ADGB: variants seen among roughly 807,000 people sequenced by gnomAD.
ADGB encodes the protein calpain-7-like protein.
A neutral mutation model predicts 210.5 loss-of-function variants in ADGB; 172 were observed. That is an observed-to-expected ratio of 0.82 (90% CI 0.72 to 0.93). The LOEUF (loss-of-function observed/expected upper bound fraction) is 0.93. Among genes scored for constraint, ADGB ranks in the 40% least tolerant of loss-of-function variants. The pLI, the probability that ADGB is intolerant of heterozygous loss-of-function variation, is 0.00. For synonymous variants in ADGB, 658 were observed against 662.7 expected, an observed-to-expected ratio of 0.99 and a Z score of 0.11; for missense variants, 2,025 against 1,964.8, an observed-to-expected ratio of 1.03 and a Z score of -0.58.
In ADGB at chr6:146,691,459, A is replaced by AATATATATATATAAATATATATAT. The variant is rs1776319367; in HGVS notation, c.1486+170_1486+171insTATATATATATAAATATATATATA. Among the ~76,000 whole-genome samples, 3 of 44,744 alleles carry AATATATATATATAAATATATATAT rather than the reference A, an allele frequency of 6.7e-5. No individual in the cohort carries two copies. In the African/African-American group the frequency reaches 7.2e-4, roughly 11 times the overall value. 29.4% of individuals were successfully genotyped at this position (44,744 alleles called of 152,430 possible). A position where few individuals can be genotyped will look rare whatever the true frequency, so the allele number is the denominator to read the frequency against. On this transcript the variant is annotated intron_variant, in intron 11 of 35. Transcript: ENST00000397944. ...ATATATATAAAAATATATATATATAAAAATATATATATATATAAATATATA... is the reference window on the plus strand; with the variant it reads ...ATATATATAAAAATATATATATATAAATATATATATATAAATATATATATAAATATATATATATATAAATATATA...
chr6:146,721,089 C>A (rs999830901), intron 16 of ADGB, among the ~76,000 whole-genome samples: 3 of 152,176 alleles, frequency 2.0e-5, no homozygotes, highest in African/African-American at 7.2e-5. Flanking sequence ...CTGCCCTGGG[C>A]TCGGCCTCTT....
rs1303512931 is a variant in ADGB at position 146,685,744 on chromosome 6, A to G, written c.1227A>G (p.Ala409=). The part of the protein sequence containing the change: ...SVQSLSDCSS[A]IQTSHMVVYA... ...ATGTTTGTTTTACAGGTTCTTCTGCAATACAGACCTCTCATATGGTCGTAT... is the reference window on the plus strand; with the variant it reads ...ATGTTTGTTTTACAGGTTCTTCTGCGATACAGACCTCTCATATGGTCGTAT... Residue 409 remains alanine, a synonymous_variant, in exon 10 of 36, where the codon GCA becomes GCG. Transcript: ENST00000397944. 4.6e-6 allele frequency: 7 copies of G among 1,520,520 alleles called. No individual in the cohort carries two copies. The East Asian group carries it at 1.3e-4, about 28-fold the overall frequency. The allele number at this position is 1,520,520 out of a possible 1,614,324, so 94.2% of individuals were successfully genotyped here.
At chr6:146,789,722 A>C (rs1053135924) in intron 33 of ADGB, among the ~76,000 whole-genome samples, 1 of 152,176 alleles carries the variant, frequency 6.6e-6, no homozygotes, top group African/African-American at 2.4e-5. Flanking sequence ...ATTAATATTT[A>C]ATTTGTAGAG....
At chr6:146,725,855 T>C (rs1776887271) in intron 18 of ADGB, 1 of 387,446 alleles carries the variant, frequency 2.6e-6, no homozygotes, top group Non-Finnish European at 4.7e-6. Context: ...GTTTGGTATT[T>C]AGCCTAACTA....
chr6:146,664,237 C>G lies in ADGB; in HGVS notation c.649C>G (p.Pro217Ala). The G allele has an allele frequency of 6.5e-7, 1 of 1,546,962 alleles. No homozygotes were observed. The highest frequency in any genetic ancestry group is 8.7e-7 in the Non-Finnish European group (1 of 1,144,836). Residue 217 changes from proline (P) to alanine (A), a missense_variant, in exon 6 of 36, where the codon CCT becomes GCT. Pro to Ala is a conservative substitution (Grantham distance 27). Transcript: ENST00000397944. ...WRKITIDDFLPFDEDNNLLLP... is the reference protein window; with the variant it reads ...WRKITIDDFLAFDEDNNLLLP... ...AAAGATAACAATTGATGACTTTTTG[C>G]CTTTTGATGAAGATAACAATCTATT... is the stretch of plus-strand genomic sequence containing the variant.
At chr6:146,784,442 TTGTG>T (rs1247267378) in intron 30 of ADGB, among the ~76,000 whole-genome samples, 172 bp from the exon 31 acceptor site, 1 of 152,208 alleles carries the variant, frequency 6.6e-6, no homozygotes, top group Non-Finnish European at 1.5e-5. Flanking sequence ...TGTTGGTTTT[TTGTG>T]TGTATTATGA....
intron 9 of ADGB, among the ~76,000 whole-genome samples, chr6:146,681,467 A>G (rs1413391483): frequency 1.3e-5 from 2 of 152,148 alleles, no homozygotes; most frequent in African/African-American, 4.8e-5. Context: ...GTATCTCTTT[A>G]TAGCCATGCA....
chr6:146,717,574 T>C lies in ADGB; in HGVS notation c.1967T>C (p.Leu656Pro). 1 of 1,410,858 alleles carries C rather than the reference T, an allele frequency of 7.1e-7. No individual in the cohort carries two copies. Among genetic ancestry groups the C allele is most frequent in the Non-Finnish European group, 9.6e-7 (1 of 1,039,684 alleles). 87.4% of individuals were successfully genotyped at this position (1,410,858 alleles called of 1,614,324 possible). The change falls in exon 16 of 36, where the codon CTT (leucine) becomes CCT (proline). Residue 656 changes from leucine (L) to proline (P), a missense_variant. Coordinates refer to ENST00000397944, the MANE Select transcript of ADGB (RefSeq NM_024694.4). ...YIFHKPSSYCLNFQKSEFKFS... is the reference protein window; with the variant it reads ...YIFHKPSSYCPNFQKSEFKFS... Reference sequence around the variant, plus strand: ...TTCCACAAGCCAAGTTCATATTGCCTTAACTTTCAAAAATCAGAATTTAAG... The same window carrying C: ...TTCCACAAGCCAAGTTCATATTGCCCTAACTTTCAAAAATCAGAATTTAAG...
At chr6:146,681,214 T>G (rs1246457784) in intron 9 of ADGB, among the ~76,000 whole-genome samples, 1 of 152,176 alleles carries the variant, frequency 6.6e-6, no homozygotes, top group African/African-American at 2.4e-5. Flanking sequence ...GGCTTGGTGC[T>G]GTCTTCATGA....
At chr6:146,645,683 A>G (rs1382325054) in intron 3 of ADGB, among the ~76,000 whole-genome samples, 1 of 152,020 alleles carries the variant, frequency 6.6e-6, no homozygotes, top group Non-Finnish European at 1.5e-5. Context: ...AGTTTTACCC[A>G]TTAGAACTGC....
chr6:146,603,231 A>G (rs1022545625), intron 1 of ADGB, among the ~76,000 whole-genome samples: 1 of 152,248 alleles, frequency 6.6e-6, no homozygotes, highest in Non-Finnish European at 1.5e-5. Context: ...TTAATTGATC[A>G]ATCTAATTGA....
At chr6:146,717,947 C>T (rs555688183) in intron 16 of ADGB, among the ~76,000 whole-genome samples, 1 of 152,254 alleles carries the variant, frequency 6.6e-6, no homozygotes, top group African/African-American at 2.4e-5. Flanking sequence ...TTTCCTAAAA[C>T]ATAAGGACAC....
chr6:146,666,127 C>T (rs1775934209), intron 6 of ADGB, among the ~76,000 whole-genome samples: 1 of 151,976 alleles, frequency 6.6e-6, no homozygotes, highest in African/African-American at 2.4e-5. Context: ...TTGGTAATGC[C>T]ATTAACACTA....
chr6:146,745,874 GAAT>G (rs1311000302), intron 25 of ADGB, 45 bp from the exon 26 acceptor site: 16 of 1,422,330 alleles, frequency 1.1e-5, no homozygotes, highest in Non-Finnish European at 1.4e-5. Flanking sequence ...ACATTCGATA[GAAT>G]AATAACGACA....
At chr6:146,718,588 A>G (rs9497613) in intron 16 of ADGB, among the ~76,000 whole-genome samples, 83,049 of 152,052 alleles carry the variant, frequency 0.55, 23,490 homozygotes, top group African/African-American at 0.68. Flanking sequence ...CAAACCACAT[A>G]TTGAGCAGAA....
chr6:146,736,610 AT>A lies in ADGB; in HGVS notation c.2888+24del. 6.7e-7 allele frequency: 1 copy of A among 1,485,990 alleles called. No homozygotes were observed. The highest frequency in any genetic ancestry group is 9.1e-7 in the Non-Finnish European group (1 of 1,097,552). 92.1% of individuals were successfully genotyped at this position (1,485,990 alleles called of 1,614,324 possible). A position where few individuals can be genotyped will look rare whatever the true frequency, so the allele number is the denominator to read the frequency against. The stretch of plus-strand genomic sequence containing the variant: ...TCTTAAGGTAAAGCAGTCAAATGAT[AT>A]TTTTATTGCAGTATATTGTCCTTTT... On this transcript the variant is annotated intron_variant, in intron 23 of 35. Coordinates refer to ENST00000397944, the MANE Select transcript of ADGB (RefSeq NM_024694.4).
chr6:146,650,597 C>CAAAAAAAA lies in ADGB; in HGVS notation c.331-3508_331-3501dup, dbSNP rs57913607. Among the ~76,000 whole-genome samples, 26 of 36,562 alleles carry CAAAAAAAA rather than the reference C, an allele frequency of 7.1e-4. 2 individuals carry two copies. The highest frequency in any genetic ancestry group is 2.1e-3 in the African/African-American group (16 of 7,446). 24.0% of individuals were successfully genotyped at this position (36,562 alleles called of 152,430 possible). On this transcript the variant is annotated intron_variant, in intron 3 of 35. Coordinates refer to ENST00000397944, the MANE Select transcript of ADGB (RefSeq NM_024694.4). Reference sequence around the variant, plus strand: ...ATAAATACTCCTGAGTCCCTCCCACCAAAAAAAAAAAAAAAAAAAAAAAAA... The same window carrying CAAAAAAAA: ...ATAAATACTCCTGAGTCCCTCCCACCAAAAAAAAAAAAAAAAAAAAAAAAAAAAAAAAA...
At chr6:146,808,667 T>A (rs895793274) in intron 35 of ADGB, among the ~76,000 whole-genome samples, 4 of 152,326 alleles carry the variant, frequency 2.6e-5, no homozygotes, top group African/African-American at 9.6e-5. Context: ...ATTTTACTTA[T>A]CCTTTCTACT....
At chr6:146,685,113 A>G (rs1047981528) in intron 9 of ADGB, among the ~76,000 whole-genome samples, 1 of 152,056 alleles carries the variant, frequency 6.6e-6, no homozygotes, top group Non-Finnish European at 1.5e-5. Flanking sequence ...TTATTTGTCC[A>G]AAATATTTGC....
Sources: gnomAD v4.1 joint callset for allele counts (sites outside exome capture counted in the v4.1 genomes callset) on GRCh38, gnomAD v4.1.1 for gene constraint, MANE v1.5 for transcripts, NCBI Gene and HGNC (gene_info 2026-07-23, HGNC 2026-07-21) for gene names.